The following PRRC1 variants were observed in gnomAD, a reference collection of about 807,000 sequenced individuals.
PRRC1 encodes the protein protein PRRC1.
A neutral mutation model predicts 40.7 loss-of-function variants in PRRC1; 39 were observed. The ratio of observed to expected loss-of-function variants is 0.96; its 90% CI spans 0.74 to 1.25. PRRC1 has a LOEUF of 1.25. PRRC1 is among the 50% of genes most tolerant of loss of function. The pLI is 0.00. For synonymous variants in PRRC1, 175 were observed against 193.3 expected (o/e 0.91, Z 0.79); for missense variants, 573 against 548.3 (o/e 1.05, Z -0.45).
intron 5 of PRRC1, among the ~76,000 whole-genome samples, chr5:127,530,980 A>G (rs1203810325): frequency 2.0e-5 from 3 of 152,240 alleles, no homozygotes; most frequent in African/African-American, 7.2e-5. Flanking sequence ...GTGAAAAAAT[A>G]TCACAAGGCT....
Position 127,552,109 on chromosome 5 carries a change from A to G in PRRC1, c.*193A>G. On this transcript the variant is annotated 3_prime_UTR_variant, in exon 9 of 9. Transcript: ENST00000296666. ...AGACAAAAAGAAACAAATCCTTTTT[A>G]TAGTCATACCATTTCACCTATCATA... is the stretch of plus-strand genomic sequence containing the variant. 3 of 1,407,340 alleles carry G rather than the reference A, an allele frequency of 2.1e-6. No individual in the cohort carries two copies. The highest frequency in any genetic ancestry group is 2.8e-6 in the Non-Finnish European group (3 of 1,083,498). The allele number at this position is 1,407,340 out of a possible 1,614,324, so 87.2% of individuals were successfully genotyped here. A position where few individuals can be genotyped will look rare whatever the true frequency, so the allele number is the denominator to read the frequency against.
intron 2 of PRRC1, chr5:127,524,190 T>C (rs769370170): frequency 1.0e-3 from 201 of 201,998 alleles, no homozygotes; most frequent in Non-Finnish European, 6.1e-4. Context: ...TCTATGACTT[T>C]GTGGTGATTA....
chr5:127,530,450 A>C, intron 5 of PRRC1, 54 bp downstream of exon 5: 1 of 1,079,786 alleles, frequency 9.3e-7, no homozygotes, highest in East Asian at 2.5e-5. Context: ...GGGTATGTCC[A>C]CATCAGCCAC....
chr5:127,533,740 A>C lies in PRRC1; in HGVS notation c.875A>C (p.Gln292Pro). Residue 292 changes from glutamine (Q) to proline (P), a missense_variant, in exon 6 of 9, where the codon CAG (glutamine) becomes CCG (proline). By Grantham distance (76) the Gln-to-Pro change is moderately conservative. Coordinates refer to ENST00000296666, the MANE Select transcript of PRRC1 (RefSeq NM_130809.5). ...GCTGTGGTTGTAGGGGAAGCTGGAC[A>C]GTCCAATATTGCCCCACAACCAGTG... The part of the protein sequence containing the change: ...GLAVVVGEAG[Q>P]SNIAPQPVGY... 1 of 1,614,130 alleles carries C rather than the reference A, an allele frequency of 6.2e-7. No individual in the cohort carries two copies. Among genetic ancestry groups the C allele is most frequent in the South Asian group, 1.1e-5 (1 of 91,082 alleles).
intron 6 of PRRC1, among the ~76,000 whole-genome samples, chr5:127,537,960 C>T (rs899458435): frequency 1.3e-5 from 2 of 152,018 alleles, no homozygotes; most frequent in African/African-American, 4.8e-5. Flanking sequence ...ACCACATAGG[C>T]CTTCAGAAGC....
chr5:127,554,294 A>G lies in PRRC1; in HGVS notation c.*2378A>G, dbSNP rs432672. On this transcript the variant is annotated 3_prime_UTR_variant, in exon 9 of 9. Coordinates refer to ENST00000296666, the MANE Select transcript of PRRC1 (RefSeq NM_130809.5). ...CTAGCCTTGGCGGAGGGAGAGTGCT[A>G]TTTGCTTTTGTTCTCCCTCTGTCTT... 0.32 allele frequency: 49,225 copies of G among 154,118 alleles called. 8,128 individuals are homozygous for G. The highest frequency in any genetic ancestry group is 0.55 in the East Asian group (2,861 of 5,216). 9.5% of individuals were successfully genotyped at this position (154,118 alleles called of 1,614,324 possible).
In PRRC1 at chr5:127,539,041, G is replaced by A. The variant is rs1767968896; in HGVS notation, c.923G>A (p.Gly308Asp). ...QPVGYAAGLKGAQERIDSLRR... is the reference protein window; with the variant it reads ...QPVGYAAGLKDAQERIDSLRR... ...CTAACCTCTGCCATTGTTGTTTAGG[G>A]TGCTCAGGAACGGATAGATAGCTTG... is the stretch of plus-strand genomic sequence containing the variant. The change falls in exon 7 of 9, where the codon GGT (glycine) becomes GAT (aspartate). Residue 308 changes from glycine to aspartate, a missense_variant and splice_region_variant. By Grantham distance (94) the Gly-to-Asp change is moderately conservative. Coordinates refer to ENST00000296666, the MANE Select transcript of PRRC1 (RefSeq NM_130809.5). 1 of 1,611,628 alleles carries A rather than the reference G, an allele frequency of 6.2e-7. No individual in the cohort carries two copies. The highest frequency in any genetic ancestry group is 8.5e-7 in the Non-Finnish European group (1 of 1,178,200).
intron 7 of PRRC1, among the ~76,000 whole-genome samples, chr5:127,543,566 T>C (rs1214756552): frequency 6.6e-6 from 1 of 152,162 alleles, no homozygotes; most frequent in Non-Finnish European, 1.5e-5. Context: ...GAGGCTTTGT[T>C]CGTTTCTTTT....
chr5:127,531,569 C>T (rs941815250), intron 5 of PRRC1, among the ~76,000 whole-genome samples: 2 of 151,048 alleles, frequency 1.3e-5, no homozygotes, highest in African/African-American at 4.9e-5. Flanking sequence ...CTTATTTAAT[C>T]CTTAGAGCAA....
chr5:127,551,286 C>T (rs1768374784), intron 8 of PRRC1: 1 of 197,952 alleles, frequency 5.1e-6, no homozygotes. Flanking sequence ...ACATGTGAAT[C>T]ACATTTCCAG....
intron 1 of PRRC1, among the ~76,000 whole-genome samples, chr5:127,521,797 A>G (rs1301613912): frequency 1.3e-5 from 2 of 152,134 alleles, no homozygotes; most frequent in Admixed American, 6.5e-5. Flanking sequence ...CTCAGTTGGT[A>G]TATATATTTG....
intron 7 of PRRC1, among the ~76,000 whole-genome samples, chr5:127,544,104 A>G (rs1182486272): frequency 6.6e-6 from 1 of 152,166 alleles, no homozygotes; most frequent in East Asian, 1.9e-4. Flanking sequence ...CAGGACCCTC[A>G]TCTGCAGGTC....
At chr5:127,550,624 C>T (rs1270294333) in intron 8 of PRRC1, 1 of 152,094 alleles carries the variant, frequency 6.6e-6, no homozygotes, top group Non-Finnish European at 1.5e-5. Context: ...ATTCTCGGGT[C>T]CTAACACAGG....
chr5:127,522,378 TC>T (rs1668756263), intron 1 of PRRC1, among the ~76,000 whole-genome samples: 1 of 152,200 alleles, frequency 6.6e-6, no homozygotes, highest in Non-Finnish European at 1.5e-5. Context: ...AATGCTTTTA[TC>T]AAGTGAAGCA....
In PRRC1 at chr5:127,553,398, C is replaced by T; in HGVS notation, c.*1482C>T. ...TTCAGTGAATATCAGACTTCCGTGT[C>T]ATTAAAAGTCATGAGAGACAGCACA... On this transcript the variant is annotated 3_prime_UTR_variant, in exon 9 of 9. Coordinates refer to ENST00000296666, the MANE Select transcript of PRRC1 (RefSeq NM_130809.5). The T allele has an allele frequency of 9.7e-7, 1 of 1,027,296 alleles. No individual in the cohort carries two copies. Among genetic ancestry groups the T allele is most frequent in the Non-Finnish European group, 1.2e-6 (1 of 858,178 alleles). 63.6% of individuals were successfully genotyped at this position (1,027,296 alleles called of 1,614,324 possible).
At chr5:127,533,115 C>T (rs1475104121) in intron 5 of PRRC1, among the ~76,000 whole-genome samples, 1 of 151,822 alleles carries the variant, frequency 6.6e-6, no homozygotes, top group African/African-American at 2.4e-5. Flanking sequence ...TATATTAGGG[C>T]AGTAGTACAT....
intron 4 of PRRC1, among the ~76,000 whole-genome samples, chr5:127,528,210 C>T (rs1264636884): frequency 6.6e-6 from 1 of 152,140 alleles, no homozygotes; most frequent in Non-Finnish European, 1.5e-5. Context: ...GCAGTTTTCT[C>T]AATTTTTAGT....
chr5:127,524,642 T>C lies in PRRC1; in HGVS notation c.215T>C (p.Leu72Ser), dbSNP rs924477699. Reference protein sequence around the residue: ...PLPPVRPSAPLPFVPPPAVPS... With the variant: ...PLPPVRPSAPSPFVPPPAVPS... Reference sequence around the variant, plus strand: ...CCTCCTGTGAGGCCTTCAGCACCATTACCTTTTGTGCCTCCTCCTGCAGTT... The same window carrying C: ...CCTCCTGTGAGGCCTTCAGCACCATCACCTTTTGTGCCTCCTCCTGCAGTT... Residue 72 changes from leucine to serine, a missense_variant, in exon 3 of 9, where the codon TTA (leucine) becomes TCA (serine). Transcript: ENST00000296666. The C allele has an allele frequency of 6.2e-7, 1 of 1,614,026 alleles. No individual in the cohort carries two copies.
At chr5:127,549,593 TAATA>T (rs1462014493) in intron 8 of PRRC1, 1 of 152,214 alleles carries the variant, frequency 6.6e-6, no homozygotes. Context: ...ACTTCAGATC[TAATA>T]AATAAAACAC....
Sources: allele counts gnomAD v4.1 joint callset (sites outside exome capture counted in the v4.1 genomes callset), GRCh38; gene constraint gnomAD v4.1.1; transcripts MANE v1.5; gene names NCBI Gene and HGNC (gene_info 2026-07-23, HGNC 2026-07-21).